ELMO1: variants seen among roughly 807,000 people sequenced by gnomAD.
ELMO1 encodes the protein engulfment and cell motility protein 1.
Under a neutral mutation model 98.9 loss-of-function variants are expected in ELMO1, and 26 were observed. The observed-to-expected ratio is 0.26, with a 90% CI of 0.19 to 0.36. The LOEUF (loss-of-function observed/expected upper bound fraction) is 0.36, where lower values mean the gene tolerates loss of function less well. ELMO1 is among the 10% of genes least tolerant of loss of function. ELMO1 has a pLI of 1.00. For missense variants in ELMO1, 627 were observed against 935.2 expected (o/e 0.67, Z 4.30); for synonymous variants, 346 against 346.0 (o/e 1.00, Z 0.00).
At chr7:37,054,781 G>C (rs867136049) in intron 15 of ELMO1, among the ~76,000 whole-genome samples, 5 of 152,202 alleles carry the variant, frequency 3.3e-5, no homozygotes, top group Non-Finnish European at 5.9e-5. Context: ...CATGCCTACA[G>C]TAATTCAGAG....
chr7:36,856,014 T>G (rs200331988), intron 21 of ELMO1, among the ~76,000 whole-genome samples: 2 of 152,248 alleles, frequency 1.3e-5, no homozygotes, highest in African/African-American at 4.8e-5. Context: ...GCAATCTGAC[T>G]CCAGTGCCTG....
intron 2 of ELMO1, among the ~76,000 whole-genome samples, chr7:37,330,497 G>C (rs946801072): frequency 6.6e-6 from 1 of 151,758 alleles, no homozygotes; most frequent in Admixed American, 6.6e-5. Context: ...TATTTGAGGG[G>C]CATATGTTCC....
intron 1 of ELMO1, among the ~76,000 whole-genome samples, chr7:37,426,961 T>C (rs17202203): frequency 0.29 from 43,797 of 151,594 alleles, 6,439 homozygotes; most frequent in Middle Eastern, 0.35. Flanking sequence ...CGAGAAACAT[T>C]TACTCAGGAT....
chr7:37,005,673 CAAGAGCGAGACTCTGTCTCAAAAAAAAAA>C (rs1793044581), intron 16 of ELMO1, among the ~76,000 whole-genome samples: 1 of 109,312 alleles, frequency 9.1e-6, no homozygotes, highest in Admixed American at 1.4e-4. Flanking sequence ...GCCTGGGTGA[CAAGAGCGAGACTCTGTCTCAAAAAAAAAA>C]AAAAAAAAAA....
chr7:37,278,821 C>T (rs997807358), intron 4 of ELMO1, among the ~76,000 whole-genome samples: 2 of 152,186 alleles, frequency 1.3e-5, no homozygotes, highest in African/African-American at 4.8e-5. Flanking sequence ...TCATCTCTGT[C>T]TTATCAGGGT....
intron 20 of ELMO1, among the ~76,000 whole-genome samples, chr7:36,864,593 A>G (rs1281503077): frequency 1.3e-5 from 2 of 152,226 alleles, no homozygotes; most frequent in Non-Finnish European, 2.9e-5. Context: ...GGGAGGCTGC[A>G]GAGCCAGGAG....
intron 13 of ELMO1, among the ~76,000 whole-genome samples, chr7:37,156,723 A>T (rs1005260329): frequency 2.6e-5 from 4 of 152,250 alleles, no homozygotes; most frequent in African/African-American, 9.6e-5. Context: ...TTTACAGCCG[A>T]ATTCTACCAC....
chr7:37,159,560 C>A (rs1023832650), intron 13 of ELMO1, among the ~76,000 whole-genome samples: 52 of 152,130 alleles, frequency 3.4e-4, no homozygotes, highest in African/African-American at 1.2e-3. Context: ...ATTAGCCAGG[C>A]GTGGTGGTGT....
At chr7:37,138,753 C>T (rs935290501) in intron 13 of ELMO1, among the ~76,000 whole-genome samples, 1 of 152,032 alleles carries the variant, frequency 6.6e-6, no homozygotes, top group Admixed American at 6.6e-5. Flanking sequence ...TACCAAAAAC[C>T]AGGGAAGGAC....
chr7:36,889,861 G>C (rs116076015), intron 17 of ELMO1, among the ~76,000 whole-genome samples: 4,068 of 152,154 alleles, frequency 0.027, 186 homozygotes, highest in African/African-American at 0.092. Context: ...ACATGACCAG[G>C]CAATGAAGGA....
At chr7:37,006,849 T>C (rs1265039469) in intron 16 of ELMO1, among the ~76,000 whole-genome samples, 2 of 152,234 alleles carry the variant, frequency 1.3e-5, no homozygotes, top group African/African-American at 4.8e-5. Flanking sequence ...TGGGGTCTAT[T>C]TGAACATACA....
intron 1 of ELMO1, among the ~76,000 whole-genome samples, chr7:37,410,187 T>G (rs577365274): frequency 6.6e-6 from 1 of 152,220 alleles, no homozygotes; most frequent in Non-Finnish European, 1.5e-5. Context: ...GATTATTTTA[T>G]GTAATTGACA....
chr7:37,401,776 G>A (rs1803546577), intron 1 of ELMO1, among the ~76,000 whole-genome samples: 1 of 152,086 alleles, frequency 6.6e-6, no homozygotes, highest in Non-Finnish European at 1.5e-5. Context: ...TGACATGTGG[G>A]GATTATAGGA....
chr7:37,216,708 A>AAC lies in ELMO1; in HGVS notation c.781-15_781-14dup. On this transcript the variant is annotated splice_polypyrimidine_tract_variant and intron_variant, in intron 10 of 21. Transcript: ENST00000310758. ...TATTCGCCATCTCCTGTGGAAGAAA[A>AAC]ACACACCCACACAAAGGCTTAGGTT... 6.2e-7 allele frequency: 1 copy of AAC among 1,614,090 alleles called. No homozygotes were observed. The highest frequency in any genetic ancestry group is 1.7e-4 in the Middle Eastern group (1 of 6,060).
At chr7:36,961,484 T>C (rs981385161) in intron 16 of ELMO1, among the ~76,000 whole-genome samples, 3 of 152,114 alleles carry the variant, frequency 2.0e-5, no homozygotes, top group Non-Finnish European at 4.4e-5. Flanking sequence ...AATTACAGAG[T>C]TTTAATCCAT....
At chr7:36,973,078 G>C (rs1790117931) in intron 16 of ELMO1, among the ~76,000 whole-genome samples, 1 of 152,216 alleles carries the variant, frequency 6.6e-6, no homozygotes, top group Non-Finnish European at 1.5e-5. Flanking sequence ...ACCCATGCCA[G>C]GCCAGGACTC....
intron 16 of ELMO1, among the ~76,000 whole-genome samples, chr7:36,977,049 T>C (rs1790614335): frequency 6.6e-6 from 1 of 152,218 alleles, no homozygotes; most frequent in South Asian, 2.1e-4. Context: ...TTGTGTCTGT[T>C]TCCTTATCTA....
chr7:37,208,171 G>A (rs1055868048), intron 13 of ELMO1, among the ~76,000 whole-genome samples: 2 of 152,250 alleles, frequency 1.3e-5, no homozygotes, highest in African/African-American at 4.8e-5. Context: ...AGCACTGGCT[G>A]AGTGCACCTT....
At chr7:37,344,581 A>G (rs1309840290) in intron 1 of ELMO1, among the ~76,000 whole-genome samples, 1 of 152,232 alleles carries the variant, frequency 6.6e-6, no homozygotes, top group Non-Finnish European at 1.5e-5. Context: ...TCCTTACAAT[A>G]GATTCACAGA....
Sources: gnomAD v4.1 joint callset for allele counts (sites outside exome capture counted in the v4.1 genomes callset) on GRCh38, gnomAD v4.1.1 for gene constraint, MANE v1.5 for transcripts, NCBI Gene and HGNC (gene_info 2026-07-23, HGNC 2026-07-21) for gene names.